The following HOMER1 variants were observed in gnomAD, a reference collection of about 807,000 sequenced individuals.
HOMER1 encodes homer scaffold protein 1, also known as homer protein homolog 1.
Under a neutral mutation model 48.9 loss-of-function variants are expected in HOMER1, and 3 were observed. The observed-to-expected ratio is 0.06, with a 90% CI of 0.03 to 0.16. HOMER1 has a LOEUF of 0.16. Ranked by LOEUF, HOMER1 falls within the 10% of genes least tolerant of loss-of-function variation. The pLI is 1.00. For missense variants in HOMER1, 247 were observed against 411.4 expected, an observed-to-expected ratio of 0.60 and a Z score of 3.46; for synonymous variants, 134 against 146.4, an observed-to-expected ratio of 0.92 and a Z score of 0.61.
chr5:79,465,584 CTTTTTTTTTTTTT>C (rs10666507), intron 1 of HOMER1, among the ~76,000 whole-genome samples: 13 of 77,894 alleles, frequency 1.7e-4, no homozygotes, highest in African/African-American at 6.7e-4. Context: ...TACATTTCTT[CTTTTTTTTTTTTT>C]TTTTTTTTTT....
At chr5:79,439,219 T>C (rs1190335033) in intron 4 of HOMER1, 70 bp from the exon 5 acceptor site, 5 of 1,488,680 alleles carry the variant, frequency 3.4e-6, no homozygotes, top group Non-Finnish European at 4.6e-6. Flanking sequence ...CATCTTGAGG[T>C]TAAAACTGCC....
rs1750910714 is a variant in HOMER1, at chr5:79,447,275, T to C, written c.295-130A>G. The C allele has an allele frequency of 9.9e-6, 6 of 605,914 alleles. No homozygotes were observed. The East Asian group carries it at 1.7e-4, about 17-fold the overall frequency. The allele number at this position is 605,914 out of a possible 1,614,324, so 37.5% of individuals were successfully genotyped here. A position where few individuals can be genotyped will look rare whatever the true frequency, so the allele number is the denominator to read the frequency against. On this transcript the variant is annotated intron_variant, in intron 3 of 8. Coordinates refer to ENST00000334082, the MANE Select transcript of HOMER1 (RefSeq NM_004272.5). ...AGCAATATAGCCTCCAAACCAATTA[T>C]AGCTTCTAATATGAAAATGACAGGA...
At chr5:79,483,587 C>T (rs894669458) in intron 1 of HOMER1, among the ~76,000 whole-genome samples, 1 of 151,538 alleles carries the variant, frequency 6.6e-6, no homozygotes, top group Non-Finnish European at 1.5e-5. Context: ...GTGGACCTGA[C>T]TATGAGAAAA....
chr5:79,500,605 C>T (rs1173945776), intron 1 of HOMER1, among the ~76,000 whole-genome samples: 1 of 151,644 alleles, frequency 6.6e-6, no homozygotes, highest in East Asian at 1.9e-4. Context: ...GATTCACTTC[C>T]ATGTAATAAA....
At chr5:79,482,463 T>G (rs1033425474) in intron 1 of HOMER1, among the ~76,000 whole-genome samples, 1 of 151,962 alleles carries the variant, frequency 6.6e-6, no homozygotes, top group African/African-American at 2.4e-5. Context: ...CTTGAACGTA[T>G]TAAAAAGCCC....
chr5:79,501,913 ACTT>A (rs1752603011), intron 1 of HOMER1, among the ~76,000 whole-genome samples: 1 of 152,224 alleles, frequency 6.6e-6, no homozygotes, highest in African/African-American at 2.4e-5. Context: ...TAGAGTAACT[ACTT>A]CTTTAGCCAA....
chr5:79,513,578 C>G lies in HOMER1; in HGVS notation c.-804G>C, dbSNP rs911790898. The G allele has an allele frequency of 6.6e-6, 1 of 152,464 alleles. No homozygotes were observed. Among genetic ancestry groups the G allele is most frequent in the African/African-American group, 2.4e-5 (1 of 41,450 alleles). 9.4% of individuals were successfully genotyped at this position (152,464 alleles called of 1,614,324 possible). ...GGGACCCGATCCCACCTCCCTCAGC[C>G]CCTTCCCGCCCCCCGCCGCCGAGCA... On this transcript the variant is annotated 5_prime_UTR_variant, in exon 1 of 9. Transcript: ENST00000334082.
chr5:79,457,893 G>A (rs572795531), intron 1 of HOMER1, among the ~76,000 whole-genome samples: 1 of 152,188 alleles, frequency 6.6e-6, no homozygotes, highest in East Asian at 1.9e-4. Flanking sequence ...CTCTTACAAA[G>A]TTAATATTTT....
At chr5:79,425,635 A>T (rs1235048380) in intron 5 of HOMER1, among the ~76,000 whole-genome samples, 1 of 152,062 alleles carries the variant, frequency 6.6e-6, no homozygotes, top group Non-Finnish European at 1.5e-5. Context: ...TAATAATGAC[A>T]GAACAGTTTA....
intron 5 of HOMER1, among the ~76,000 whole-genome samples, chr5:79,430,119 C>A (rs1341433673): frequency 6.6e-6 from 1 of 150,814 alleles, no homozygotes; most frequent in East Asian, 1.9e-4. Context: ...ATTTAAAAAT[C>A]AATTATCTGG....
chr5:79,440,589 A>G (rs749588626), intron 4 of HOMER1, among the ~76,000 whole-genome samples: 6 of 152,224 alleles, frequency 3.9e-5, no homozygotes, highest in Admixed American at 6.5e-5. Context: ...TAATGTGACA[A>G]TATAAAAATG....
chr5:79,508,277 A>T (rs545884111), intron 1 of HOMER1, among the ~76,000 whole-genome samples: 1 of 152,348 alleles, frequency 6.6e-6, no homozygotes, highest in East Asian at 1.9e-4. Context: ...AGTCTATCTT[A>T]AAAATAAAAT....
At chr5:79,391,523 T>C (rs1047722124) in intron 8 of HOMER1, among the ~76,000 whole-genome samples, 17 of 151,360 alleles carry the variant, frequency 1.1e-4, no homozygotes, top group Admixed American at 1.1e-3. Flanking sequence ...GGTGGGCAGA[T>C]CACGAAGTCA....
chr5:79,416,856 T>G (rs534493036), intron 5 of HOMER1, among the ~76,000 whole-genome samples: 1 of 152,336 alleles, frequency 6.6e-6, no homozygotes, highest in South Asian at 2.1e-4. Flanking sequence ...AGGAAGGAGA[T>G]GTGGATACTA....
intron 5 of HOMER1, among the ~76,000 whole-genome samples, chr5:79,433,497 G>A (rs998259499): frequency 3.3e-5 from 5 of 152,136 alleles, no homozygotes; most frequent in Admixed American, 6.5e-5. Context: ...GAACCCGGGA[G>A]GTGGAGGTCG....
chr5:79,419,173 T>C (rs551544565), intron 5 of HOMER1, among the ~76,000 whole-genome samples: 5 of 152,320 alleles, frequency 3.3e-5, no homozygotes, highest in South Asian at 2.1e-4. Context: ...TGAAAGACTT[T>C]ACATTGTAGA....
chr5:79,386,936 T>C (rs1398277422), intron 8 of HOMER1, among the ~76,000 whole-genome samples: 33 of 105,100 alleles, frequency 3.1e-4, no homozygotes, highest in Middle Eastern at 4.0e-3. Flanking sequence ...TCCCCTCCCT[T>C]CCTTCCTTCC....
intron 1 of HOMER1, among the ~76,000 whole-genome samples, chr5:79,484,598 T>G (rs1294522216): frequency 1.3e-5 from 2 of 152,110 alleles, no homozygotes; most frequent in African/African-American, 4.8e-5. Context: ...ATTGTCAGAT[T>G]GTATATAAAG....
chr5:79,379,257 A>ATATATAT (rs1194292681), intron 8 of HOMER1, among the ~76,000 whole-genome samples: 1 of 98,412 alleles, frequency 1.0e-5, no homozygotes, highest in South Asian at 2.8e-4. Flanking sequence ...TATATCTATT[A>ATATATAT]TATATATTAT....
Sources: gnomAD v4.1 joint callset for allele counts (sites outside exome capture counted in the v4.1 genomes callset) on GRCh38, gnomAD v4.1.1 for gene constraint, MANE v1.5 for transcripts, NCBI Gene and HGNC (gene_info 2026-07-23, HGNC 2026-07-21) for gene names.